The following KCNQ5 variants were observed in gnomAD, a reference collection of about 807,000 sequenced individuals.
The protein encoded by KCNQ5 is potassium voltage-gated channel subfamily Q member 5.
In KCNQ5, 30 loss-of-function variants were observed where a neutral mutation model predicts 98.2. The ratio of observed to expected loss-of-function variants is 0.31; its 90% confidence interval spans 0.23 to 0.41. The LOEUF is 0.41. Among genes scored for constraint, KCNQ5 ranks in the 10% least tolerant of loss-of-function variants. The probability of loss-of-function intolerance (pLI) is 1.00; values close to 1 mark genes in which losing one functional copy is unlikely to be tolerated. For missense variants in KCNQ5, 835 were observed against 1,182.5 expected (o/e 0.71, Z 4.31); for synonymous variants, 458 against 449.4 (o/e 1.02, Z -0.24).
At chr6:73,099,796 A>T (rs1485339451) in intron 5 of KCNQ5, among the ~76,000 whole-genome samples, 1 of 152,228 alleles carries the variant, frequency 6.6e-6, no homozygotes, top group Admixed American at 6.5e-5. Context: ...CAACAAAGAA[A>T]CATCAAACTT....
At chr6:72,803,348 T>C (rs1268512088) in intron 1 of KCNQ5, among the ~76,000 whole-genome samples, 1 of 152,174 alleles carries the variant, frequency 6.6e-6, no homozygotes, top group Non-Finnish European at 1.5e-5. Flanking sequence ...CACTGCCTCA[T>C]TGCTAACTAC....
At chr6:72,816,171 T>A (rs1775500666) in intron 1 of KCNQ5, among the ~76,000 whole-genome samples, 1 of 152,122 alleles carries the variant, frequency 6.6e-6, no homozygotes, top group African/African-American at 2.4e-5. Context: ...AATTTTATTG[T>A]CGCAAATAAA....
intron 11 of KCNQ5, among the ~76,000 whole-genome samples, chr6:73,178,287 A>G (rs186962207): frequency 9.9e-5 from 15 of 151,854 alleles, no homozygotes; most frequent in African/African-American, 2.4e-4. Flanking sequence ...AAGAAAATCC[A>G]ACAAAAATCT....
chr6:72,651,324 G>A (rs1346205049), intron 1 of KCNQ5, among the ~76,000 whole-genome samples: 2 of 152,068 alleles, frequency 1.3e-5, no homozygotes, highest in African/African-American at 4.8e-5. Context: ...ACAGATGGAT[G>A]CATAGATAGA....
At chr6:72,671,586 ATTAT>A (rs1467912868) in intron 1 of KCNQ5, among the ~76,000 whole-genome samples, 2 of 152,082 alleles carry the variant, frequency 1.3e-5, no homozygotes, top group Non-Finnish European at 2.9e-5. Context: ...ATTTTCTAAT[ATTAT>A]TTATTTAAGA....
chr6:73,060,945 A>G (rs993585530), intron 3 of KCNQ5, among the ~76,000 whole-genome samples: 2 of 152,198 alleles, frequency 1.3e-5, no homozygotes, highest in Non-Finnish European at 2.9e-5. Flanking sequence ...GAAGAGTGTC[A>G]ATATCTACCA....
intron 1 of KCNQ5, among the ~76,000 whole-genome samples, chr6:72,927,883 A>G (rs999528507): frequency 2.0e-5 from 3 of 152,042 alleles, no homozygotes; most frequent in Non-Finnish European, 4.4e-5. Flanking sequence ...ATCTCTAGAC[A>G]CTGTTCCTGG....
chr6:72,713,885 A>G (rs1387497878), intron 1 of KCNQ5, among the ~76,000 whole-genome samples: 1 of 152,130 alleles, frequency 6.6e-6, no homozygotes, highest in Non-Finnish European at 1.5e-5. Flanking sequence ...ATCATTTCCA[A>G]AATCCTAAAT....
intron 1 of KCNQ5, among the ~76,000 whole-genome samples, chr6:72,684,714 C>G (rs1767866656): frequency 6.6e-6 from 1 of 152,050 alleles, no homozygotes; most frequent in Admixed American, 6.5e-5. Flanking sequence ...AGTTTTAGTT[C>G]ACTAGTTATG....
intron 1 of KCNQ5, among the ~76,000 whole-genome samples, chr6:72,945,458 G>GTT (rs775347849): frequency 5.4e-5 from 6 of 111,690 alleles, no homozygotes; most frequent in African/African-American, 1.3e-4. Flanking sequence ...CTGTGTCCAT[G>GTT]TTTTTTTTTT....
chr6:72,671,081 C>G (rs996248673), intron 1 of KCNQ5, among the ~76,000 whole-genome samples: 1 of 152,116 alleles, frequency 6.6e-6, no homozygotes, highest in Admixed American at 6.5e-5. Flanking sequence ...TCCAAATGAC[C>G]TTTAACGCCC....
intron 2 of KCNQ5, among the ~76,000 whole-genome samples, chr6:73,018,114 CG>C (rs1010572012): frequency 2.0e-5 from 3 of 151,994 alleles, no homozygotes; most frequent in East Asian, 1.9e-4. Context: ...AGAGAAGGGC[CG>C]GGGGGCATTC....
At chr6:73,055,496 A>G in intron 3 of KCNQ5, 1 of 1,548,862 alleles carries the variant, frequency 6.5e-7, no homozygotes. Context: ...CAGCAACATC[A>G]GTAAGGATCA....
intron 1 of KCNQ5, among the ~76,000 whole-genome samples, chr6:72,705,589 T>G (rs1769030443): frequency 9.8e-6 from 1 of 102,340 alleles, no homozygotes; most frequent in African/African-American, 8.0e-5. Flanking sequence ...TTGTTGTTTT[T>G]GTTTTTTTTT....
intron 1 of KCNQ5, among the ~76,000 whole-genome samples, chr6:72,919,950 T>G (rs1417135750): frequency 6.6e-6 from 1 of 152,154 alleles, no homozygotes; most frequent in Non-Finnish European, 1.5e-5. Context: ...AATCCAGAGC[T>G]GGGGCCTGGC....
intron 12 of KCNQ5, among the ~76,000 whole-genome samples, chr6:73,192,096 A>G (rs1485200905): frequency 1.3e-5 from 2 of 152,214 alleles, no homozygotes; most frequent in Non-Finnish European, 2.9e-5. Flanking sequence ...TATAGAACCA[A>G]TCTTGGGTTT....
At chr6:72,736,927 A>G (rs1401253710) in intron 1 of KCNQ5, among the ~76,000 whole-genome samples, 1 of 152,080 alleles carries the variant, frequency 6.6e-6, no homozygotes, top group Non-Finnish European at 1.5e-5. Flanking sequence ...AGAGCTTTTA[A>G]AGAATGTCAA....
At chr6:72,966,047 T>G (rs1435794301) in intron 1 of KCNQ5, among the ~76,000 whole-genome samples, 5 of 152,172 alleles carry the variant, frequency 3.3e-5, no homozygotes, top group African/African-American at 4.8e-5. Flanking sequence ...GTTAGAGCAC[T>G]TCCCACCATC....
At chr6:73,087,741 C>A (rs1269608020) in intron 5 of KCNQ5, among the ~76,000 whole-genome samples, 1 of 151,832 alleles carries the variant, frequency 6.6e-6, no homozygotes, top group Non-Finnish European at 1.5e-5. Context: ...AAAGAGCCAC[C>A]AAGGAATACA....
Sources: gnomAD v4.1 joint callset for allele counts (sites outside exome capture counted in the v4.1 genomes callset) on GRCh38, gnomAD v4.1.1 for gene constraint, MANE v1.5 for transcripts, NCBI Gene and HGNC (gene_info 2026-07-23, HGNC 2026-07-21) for gene names.